CASP1: variants seen among roughly 807,000 people sequenced by gnomAD.
CASP1 encodes caspase 1, also known as caspase-1.
A neutral mutation model predicts 41.2 loss-of-function variants in CASP1; 31 were observed. The observed-to-expected ratio is 0.75, with a 90% CI of 0.57 to 1.02. The LOEUF (loss-of-function observed/expected upper bound fraction) is 1.02, where lower values mean the gene tolerates loss of function less well. Among genes scored for constraint, CASP1 ranks in the 50% least tolerant of loss-of-function variants. CASP1 has a pLI of 0.00. For missense variants in CASP1, 490 were observed against 495.7 expected, an observed-to-expected ratio of 0.99 and a Z score of 0.11; for synonymous variants, 163 against 166.5, an observed-to-expected ratio of 0.98 and a Z score of 0.16.
At chr11:105,029,577 C>A (rs1863540716) in intron 6 of CASP1, 88 bp downstream of exon 6, 12 of 931,448 alleles carry the variant, frequency 1.3e-5, no homozygotes, top group Non-Finnish European at 2.0e-5. Context: ...CATTAAAAGA[C>A]AAACCAAAAG....
chr11:105,033,163 T>C (rs779157457), intron 2 of CASP1, 37 bp from the exon 3 acceptor site: 3 of 1,290,194 alleles, frequency 2.3e-6, no homozygotes, highest in South Asian at 1.2e-5. Flanking sequence ...TAGTCACTTA[T>C]CATCTCTGGA....
upstream of CASP1, chr11:105,035,150 G>C: frequency 6.2e-7 from 1 of 1,613,892 alleles, no homozygotes; most frequent in South Asian, 1.1e-5. Context: ...GACTGAAACT[G>C]AAAGTATGCT....
intron 2 of CASP1, 118 bp from the exon 3 acceptor site, chr11:105,033,244 A>G: frequency 1.7e-6 from 1 of 603,730 alleles, no homozygotes; most frequent in African/African-American, 1.9e-5. Flanking sequence ...ACTGACTGAC[A>G]TTAAATAATG....
chr11:105,034,778 C>T (rs767241032), intron 1 of CASP1: 96 of 600,724 alleles, frequency 1.6e-4, no homozygotes, highest in Admixed American at 3.3e-4. Context: ...GCAGAAATAG[C>T]CCATTTCATT....
chr11:105,035,796 T>A (rs1358884393), upstream of CASP1, among the ~76,000 whole-genome samples: 1 of 151,978 alleles, frequency 6.6e-6, no homozygotes, highest in African/African-American at 2.4e-5. Context: ...TTGTATCTCT[T>A]GTAAAGACAG....
intron 7 of CASP1, chr11:105,027,178 A>C (rs924171535): frequency 1.3e-5 from 8 of 614,792 alleles, no homozygotes; most frequent in African/African-American, 1.1e-4. Flanking sequence ...TTAATTATGC[A>C]TTCTGATATT....
Position 105,026,355 on chromosome 11 carries a change from A to G in CASP1, c.1118T>C (p.Val373Ala). Residue 373 changes from valine (V) to alanine (A), a missense_variant and splice_region_variant, in exon 9 of 9, where the codon GTT (valine) becomes GCT (alanine). Physicochemically the swap from Val to Ala is moderately conservative, Grantham distance 64. Coordinates refer to ENST00000533400, the MANE Select transcript of CASP1 (RefSeq NM_001257118.3). ...ATCTGGCTGCTCAAATGAAAATCGA[A>G]CCTAAAAGAGTAAGGAAAGTCTGTA... is the stretch of plus-strand genomic sequence containing the variant. ...SCDVEEIFRKVRFSFEQPDGR... is the reference protein window; with the variant it reads ...SCDVEEIFRKARFSFEQPDGR... 6.2e-7 allele frequency: 1 copy of G among 1,603,194 alleles called. No homozygotes were observed. The highest frequency in any genetic ancestry group is 8.5e-7 in the Non-Finnish European group (1 of 1,171,416).
At position 105,034,789 on chromosome 11, in the gene CASP1, T is replaced by A. The variant is rs576127890; in HGVS notation, c.8-315A>T. 14 of 595,360 alleles carry A rather than the reference T, an allele frequency of 2.4e-5. No individual in the cohort carries two copies. In the South Asian group the frequency reaches 2.8e-4, roughly 12 times the overall value. 36.9% of individuals were successfully genotyped at this position (595,360 alleles called of 1,614,324 possible). A position where few individuals can be genotyped will look rare whatever the true frequency, so the allele number is the denominator to read the frequency against. ...TGAAGCAGAAATAGCCCATTTCATTTAGGAACCACTGCTGCTAGTACTCCT... is the reference window on the plus strand; with the variant it reads ...TGAAGCAGAAATAGCCCATTTCATTAAGGAACCACTGCTGCTAGTACTCCT... On this transcript the variant is annotated intron_variant, in intron 1 of 8. Transcript: ENST00000533400.
intron 7 of CASP1, chr11:105,027,214 G>A (rs758483956): frequency 8.3e-6 from 5 of 603,292 alleles, no homozygotes; most frequent in Non-Finnish European, 8.8e-6. Context: ...GCTATACAGG[G>A]GATGGTAATA....
Position 105,031,917 on chromosome 11 carries a change from C to G in CASP1, c.338-637G>C, listed in dbSNP as rs1591201835. ...CACTAGATGGATTTATAGCACTAAA[C>G]ATTCATTGCACAGACACTTGAGGAA... On this transcript the variant is annotated intron_variant, in intron 3 of 8. Transcript: ENST00000533400. Among the ~76,000 whole-genome samples, 7 of 152,192 alleles carry G rather than the reference C, an allele frequency of 4.6e-5. No individual in the cohort carries two copies. In the South Asian group the frequency reaches 1.4e-3, roughly 32 times the overall value.
intron 5 of CASP1, among the ~76,000 whole-genome samples, 190 bp downstream of exon 5, chr11:105,030,140 G>A (rs1255120421): frequency 2.0e-5 from 3 of 152,096 alleles, no homozygotes; most frequent in Non-Finnish European, 1.5e-5. Flanking sequence ...TCCCAATTCA[G>A]TTATACCAGG....
chr11:105,030,036 C>A, intron 5 of CASP1, 137 bp from the exon 6 acceptor site: 1 of 712,508 alleles, frequency 1.4e-6, no homozygotes, highest in Non-Finnish European at 2.3e-6. Flanking sequence ...AAAATTTAGT[C>A]TTAGTTTCAA....
At chr11:105,032,776 G>T (rs546639608) in intron 3 of CASP1, among the ~76,000 whole-genome samples, 13 of 152,226 alleles carry the variant, frequency 8.5e-5, no homozygotes, top group African/African-American at 3.1e-4. Flanking sequence ...TTTAGAATAA[G>T]GTGTCTCTGG....
chr11:105,034,730 T>A, intron 1 of CASP1: 1 of 643,658 alleles, frequency 1.6e-6, no homozygotes, highest in Non-Finnish European at 2.6e-6. Flanking sequence ...TCCTCTTATG[T>A]CGCATGTTTA....
intron 8 of CASP1, 184 bp downstream of exon 8, chr11:105,026,658 G>A (rs906676250): frequency 1.7e-6 from 1 of 604,332 alleles, no homozygotes; most frequent in Non-Finnish European, 2.9e-6. Context: ...TCTCAAGGCT[G>A]TGGGTCTTAA....
At position 105,035,129 on chromosome 11, in the gene CASP1, C is replaced by T. The variant is rs752439028; in HGVS notation, c.-16G>A. 1 of 1,613,966 alleles carries T rather than the reference C, an allele frequency of 6.2e-7. No homozygotes were observed. Among genetic ancestry groups the T allele is most frequent in the Non-Finnish European group, 8.5e-7 (1 of 1,179,912 alleles). On this transcript the variant is annotated 5_prime_UTR_variant, in exon 1 of 9. Coordinates refer to ENST00000533400, the MANE Select transcript of CASP1 (RefSeq NM_001257118.3). ...CACCGGCCATGGCTTTTCTCTCCTC[C>T]CTTCTTGTGTGACTGAAACTGAAAG...
intron 7 of CASP1, chr11:105,027,218 G>A: frequency 1.7e-6 from 1 of 601,290 alleles, no homozygotes; most frequent in Non-Finnish European, 2.9e-6. Context: ...TACAGGGGAT[G>A]GTAATAACTC....
At chr11:105,035,655 G>T (rs558400774), upstream of CASP1, among the ~76,000 whole-genome samples, 2 of 96,308 alleles carry the variant, frequency 2.1e-5, no homozygotes, top group Admixed American at 1.7e-4. Flanking sequence ...TCATTCTGTC[G>T]TGCAGGCCGG....
chr11:105,034,620 T>C, intron 1 of CASP1, 146 bp from the exon 2 acceptor site: 2 of 1,339,342 alleles, frequency 1.5e-6, no homozygotes, highest in Non-Finnish European at 2.1e-6. Flanking sequence ...ACTGTATTGC[T>C]GTCCTACTTG....
Sources: allele counts gnomAD v4.1 joint callset (sites outside exome capture counted in the v4.1 genomes callset), GRCh38; gene constraint gnomAD v4.1.1; transcripts MANE v1.5; gene names NCBI Gene and HGNC (gene_info 2026-07-23, HGNC 2026-07-21).